The following FAF1 variants were observed in gnomAD, a reference collection of about 807,000 sequenced individuals.
FAF1 encodes Fas associated factor 1, also known as FAS-associated factor 1.
Under a neutral mutation model 92.5 loss-of-function variants are expected in FAF1, and 25 were observed. The ratio of observed to expected loss-of-function variants is 0.27; its 90% CI spans 0.20 to 0.38. FAF1 has a LOEUF of 0.38. Ranked by LOEUF, FAF1 falls within the 10% of genes least tolerant of loss-of-function variation. The pLI is 1.00. For missense variants in FAF1, 636 were observed against 793.3 expected (o/e 0.80, Z 2.38); for synonymous variants, 234 against 273.2 (o/e 0.86, Z 1.42).
At position 50,681,674 on chromosome 1, in the gene FAF1, AT is replaced by A. The variant is rs1211289812; in HGVS notation, c.657+24111del. 9.0e-3 allele frequency among the ~76,000 whole-genome samples: 1,184 copies of A among 131,754 alleles called. 7 individuals carry two copies. Among genetic ancestry groups the A allele is most frequent in the African/African-American group, 0.019 (677 of 36,214 alleles). The allele number at this position is 131,754 out of a possible 152,430, so 86.4% of individuals were successfully genotyped here. On this transcript the variant is annotated intron_variant, in intron 7 of 18. Coordinates refer to ENST00000396153, the MANE Select transcript of FAF1 (RefSeq NM_007051.3). ...AGGCATGTGCCAGCCTGTAATCCCT[AT>A]TTTTTTTTTTTTTTGTATTTTTAGT...
intron 2 of FAF1, among the ~76,000 whole-genome samples, chr1:50,838,569 T>A (rs912411396): frequency 1.4e-5 from 2 of 148,062 alleles, no homozygotes; most frequent in Non-Finnish European, 3.0e-5. Context: ...ATATATATAT[T>A]TTATATAATT....
At chr1:50,565,560 C>G (rs1472927808) in intron 13 of FAF1, among the ~76,000 whole-genome samples, 4 of 152,068 alleles carry the variant, frequency 2.6e-5, no homozygotes, top group Non-Finnish European at 5.9e-5. Context: ...CCTGCAAACT[C>G]TTATTACTAG....
intron 6 of FAF1, among the ~76,000 whole-genome samples, chr1:50,712,115 G>C (rs984810262): frequency 6.6e-6 from 1 of 152,188 alleles, no homozygotes; most frequent in African/African-American, 2.4e-5. Flanking sequence ...CTAAGGAAGT[G>C]AACACAGTAA....
intron 1 of FAF1, among the ~76,000 whole-genome samples, chr1:50,932,260 C>G (rs897356333): frequency 3.9e-5 from 6 of 152,172 alleles, no homozygotes; most frequent in Non-Finnish European, 7.4e-5. Context: ...AGTCCACAGT[C>G]CAAAGTCTCA....
At chr1:50,665,103 C>G (rs897767845) in intron 7 of FAF1, among the ~76,000 whole-genome samples, 1 of 152,190 alleles carries the variant, frequency 6.6e-6, no homozygotes, top group Non-Finnish European at 1.5e-5. Flanking sequence ...ATTTATAATT[C>G]TTTCCAGGAA....
In FAF1 at chr1:50,596,155, G is replaced by A; in HGVS notation, c.806C>T (p.Ser269Phe). ...CTGTTCCCGGGTCTGTGCAGGTGAAGATCTTCTTCCCACTGTAAGTCGATG... is the reference window on the plus strand; with the variant it reads ...CTGTTCCCGGGTCTGTGCAGGTGAAAATCTTCTTCCCACTGTAAGTCGATG... ...PCHRLTVGRR[S>F]SPAQTREQSE... The change falls in exon 9 of 19, where the codon TCT becomes TTT. Residue 269 changes from serine to phenylalanine, a missense_variant. Physicochemically the swap from Ser to Phe is radical, Grantham distance 155. Transcript: ENST00000396153. 6.2e-7 allele frequency: 1 copy of A among 1,614,000 alleles called. No homozygotes were observed. The highest frequency in any genetic ancestry group is 8.5e-7 in the Non-Finnish European group (1 of 1,179,914).
At chr1:50,705,726 C>G (rs1657647057) in intron 7 of FAF1, 60 bp downstream of exon 7, 2 of 918,300 alleles carry the variant, frequency 2.2e-6, no homozygotes, top group African/African-American at 3.3e-5. Flanking sequence ...CCCTCTTTAA[C>G]AGGGTCAACA....
At chr1:50,490,433 AAGGAAG>A (rs1557966656) in intron 17 of FAF1, among the ~76,000 whole-genome samples, 149 bp downstream of exon 17, 2 of 125,082 alleles carry the variant, frequency 1.6e-5, no homozygotes, top group African/African-American at 5.9e-5. Context: ...GGAAGGAAGG[AAGGAAG>A]GAAGGAAGGA....
At chr1:50,761,329 C>G (rs1389616533) in intron 4 of FAF1, among the ~76,000 whole-genome samples, 1 of 152,200 alleles carries the variant, frequency 6.6e-6, no homozygotes, top group East Asian at 1.9e-4. Context: ...TCCTCCCTAA[C>G]TCATTTGATG....
intron 5 of FAF1, among the ~76,000 whole-genome samples, chr1:50,741,405 C>T (rs1012714286): frequency 9.9e-5 from 15 of 152,172 alleles, no homozygotes; most frequent in African/African-American, 3.6e-4. Flanking sequence ...TGGGGTAATA[C>T]AATAACTTTT....
chr1:50,532,223 T>G (rs1648214256), intron 15 of FAF1, among the ~76,000 whole-genome samples: 1 of 152,180 alleles, frequency 6.6e-6, no homozygotes, highest in Non-Finnish European at 1.5e-5. Flanking sequence ...AATAAAAATT[T>G]CAATTATATG....
chr1:50,783,224 A>G (rs1213260674), intron 4 of FAF1, among the ~76,000 whole-genome samples: 1 of 152,184 alleles, frequency 6.6e-6, no homozygotes, highest in Admixed American at 6.5e-5. Flanking sequence ...ATCAGTAATC[A>G]AAAATCTCCC....
At chr1:50,452,124 T>C (rs759281991) in intron 18 of FAF1, 61 of 1,349,498 alleles carry the variant, frequency 4.5e-5, no homozygotes, top group African/African-American at 7.4e-5. Context: ...AGAATGAGAA[T>C]AAAGAACATA....
chr1:50,491,815 A>G lies in FAF1; in HGVS notation c.1495-14T>C. 1 of 1,590,356 alleles carries G rather than the reference A, an allele frequency of 6.3e-7. No homozygotes were observed. The highest frequency in any genetic ancestry group is 8.5e-7 in the Non-Finnish European group (1 of 1,169,746). On this transcript the variant is annotated splice_polypyrimidine_tract_variant and intron_variant, in intron 15 of 18. Coordinates refer to ENST00000396153, the MANE Select transcript of FAF1 (RefSeq NM_007051.3). ...TTCACGTTCATCCTTAAAGAAAAAGATTCAAATATTTTTTGACATATAACT... is the reference window on the plus strand; with the variant it reads ...TTCACGTTCATCCTTAAAGAAAAAGGTTCAAATATTTTTTGACATATAACT...
chr1:50,908,285 C>T (rs979340860), intron 1 of FAF1, among the ~76,000 whole-genome samples: 7 of 152,178 alleles, frequency 4.6e-5, no homozygotes, highest in Non-Finnish European at 1.0e-4. Context: ...GAGCGCTTTA[C>T]TTCCAACTAT....
intron 8 of FAF1, among the ~76,000 whole-genome samples, chr1:50,646,767 T>C (rs545369083): frequency 9.8e-5 from 15 of 152,288 alleles, no homozygotes; most frequent in African/African-American, 3.6e-4. Flanking sequence ...ATCTTATCAT[T>C]GCAACTTTAA....
chr1:50,907,149 T>G (rs1400169992), intron 1 of FAF1, among the ~76,000 whole-genome samples: 3 of 152,254 alleles, frequency 2.0e-5, no homozygotes, highest in Non-Finnish European at 4.4e-5. Context: ...ATGTGGTTTT[T>G]GTCTTTGGTT....
At chr1:50,889,139 A>C (rs1426755730) in intron 1 of FAF1, among the ~76,000 whole-genome samples, 1 of 152,164 alleles carries the variant, frequency 6.6e-6, no homozygotes, top group East Asian at 1.9e-4. Context: ...TAGATTTTCT[A>C]GTTTATTTGC....
intron 1 of FAF1, among the ~76,000 whole-genome samples, chr1:50,957,800 C>T (rs961817339): frequency 6.6e-6 from 1 of 151,902 alleles, no homozygotes; most frequent in African/African-American, 2.4e-5. Flanking sequence ...AAAGCAGATG[C>T]AAGTTATTAG....
Sources: allele counts gnomAD v4.1 joint callset (sites outside exome capture counted in the v4.1 genomes callset), GRCh38; gene constraint gnomAD v4.1.1; transcripts MANE v1.5; gene names NCBI Gene and HGNC (gene_info 2026-07-23, HGNC 2026-07-21).